The following SERINC5 variants were observed in gnomAD, a reference collection of about 807,000 sequenced individuals.
The protein encoded by SERINC5 is serine incorporator 5.
SERINC5 carries 41 observed loss-of-function variants against 63.1 expected under a neutral mutation model. The ratio of observed to expected loss-of-function variants is 0.65; its 90% CI spans 0.51 to 0.84. The LOEUF is 0.84. Among genes scored for constraint, SERINC5 ranks in the 40% least tolerant of loss-of-function variants. The pLI is 0.00. For synonymous variants in SERINC5, 222 were observed against 215.2 expected (o/e 1.03, Z -0.28); for missense variants, 523 against 573.0 (o/e 0.91, Z 0.89).
At chr5:80,158,997 TA>T in intron 7 of SERINC5, 35 bp from the exon 8 acceptor site, 1 of 1,611,208 alleles carries the variant, frequency 6.2e-7, no homozygotes, top group Non-Finnish European at 8.5e-7. Flanking sequence ...CACAGTCAAG[TA>T]CAAAGGCCAG....
chr5:80,131,124 T>C (rs1313350069), intron 11 of SERINC5, among the ~76,000 whole-genome samples: 2 of 152,170 alleles, frequency 1.3e-5, no homozygotes, highest in African/African-American at 4.8e-5. Flanking sequence ...CCAAATCTCA[T>C]CTTGAACTGT....
intron 2 of SERINC5, among the ~76,000 whole-genome samples, chr5:80,193,878 G>C (rs553130428): frequency 6.6e-6 from 1 of 152,146 alleles, no homozygotes; most frequent in African/African-American, 2.4e-5. Context: ...AGATAAAACC[G>C]TTTGGAAACA....
At position 80,114,591 on chromosome 5, in the gene SERINC5, G is replaced by A. The variant is rs962285290; in HGVS notation, c.1239-966C>T. On this transcript the variant is annotated intron_variant, in intron 11 of 12. Transcript: ENST00000509193. ...ATCGCTTGACATCTGGGAGGTGGAG[G>A]TTGCAGTGAGCCAAGATCATGCCAC... 7 of 163,500 alleles carry A rather than the reference G, an allele frequency of 4.3e-5. No homozygotes were observed. The South Asian group carries it at 6.6e-4, about 15-fold the overall frequency. 10.1% of individuals were successfully genotyped at this position (163,500 alleles called of 1,614,324 possible). A position where few individuals can be genotyped will look rare whatever the true frequency, so the allele number is the denominator to read the frequency against.
At position 80,229,051 on chromosome 5, in the gene SERINC5, G is replaced by GGGGGGGGGT. The variant is rs1580195931; in HGVS notation, c.28-25999_28-25998insACCCCCCCC. Among the ~76,000 whole-genome samples, 6 of 13,278 alleles carry GGGGGGGGGT rather than the reference G, an allele frequency of 4.5e-4. 1 individual carries two copies. In the East Asian group the frequency reaches 0.013, roughly 28 times the overall value. 8.7% of individuals were successfully genotyped at this position (13,278 alleles called of 152,430 possible). A position where few individuals can be genotyped will look rare whatever the true frequency, so the allele number is the denominator to read the frequency against. The stretch of plus-strand genomic sequence containing the variant: ...TTTTTTTTTTTTTTTTTTTTTTTTT[G>GGGGGGGGGT]GGGATGGAGTTGCCTAGGCTGGAGT... On this transcript the variant is annotated intron_variant, in intron 1 of 11. Transcript: ENST00000507668.
chr5:80,255,874 C>G, intron 1 of SERINC5, 22 bp downstream of exon 1: 1 of 1,589,064 alleles, frequency 6.3e-7, no homozygotes, highest in South Asian at 1.1e-5. Context: ...ACAACCCCCG[C>G]GCTGCGCCCG....
chr5:80,141,235 G>C lies in SERINC5; in HGVS notation c.*2428C>G, dbSNP rs571719589. ...CAGAGCAACTGTAACTCTTCCTCTT[G>C]CATCAGACCAACCGGCAGAAGGGAA... is the stretch of plus-strand genomic sequence containing the variant. On this transcript the variant is annotated 3_prime_UTR_variant, in exon 12 of 12. Transcript: ENST00000507668. 1 of 985,412 alleles carries C rather than the reference G, an allele frequency of 1.0e-6. No individual in the cohort carries two copies. The highest frequency in any genetic ancestry group is 1.2e-6 in the Non-Finnish European group (1 of 829,942). The allele number at this position is 985,412 out of a possible 1,614,324, so 61.0% of individuals were successfully genotyped here.
chr5:80,177,428 G>A, intron 3 of SERINC5, 31 bp from the exon 4 acceptor site: 1 of 1,544,920 alleles, frequency 6.5e-7, no homozygotes, highest in Non-Finnish European at 8.9e-7. Context: ...AAGAGGAAAT[G>A]TATTTAAATG....
intron 11 of SERINC5, among the ~76,000 whole-genome samples, chr5:80,121,270 T>C (rs1446677565): frequency 6.6e-6 from 1 of 152,182 alleles, no homozygotes; most frequent in East Asian, 1.9e-4. Context: ...ACAAGCAAGG[T>C]GCTGGCATCT....
At chr5:80,186,417 C>T (rs1454340035) in intron 2 of SERINC5, among the ~76,000 whole-genome samples, 1 of 152,104 alleles carries the variant, frequency 6.6e-6, no homozygotes, top group Admixed American at 6.5e-5. Context: ...GGATTACAGG[C>T]GTGAGCCACC....
chr5:80,177,139 G>GGA (rs1748086380), intron 4 of SERINC5, among the ~76,000 whole-genome samples, 176 bp downstream of exon 4: 1 of 152,154 alleles, frequency 6.6e-6, no homozygotes, highest in Non-Finnish European at 1.5e-5. Context: ...TGAGAAGAGG[G>GGA]GAGGTAGATA....
chr5:80,202,009 G>A (rs1427070453), intron 2 of SERINC5, among the ~76,000 whole-genome samples: 3 of 152,138 alleles, frequency 2.0e-5, no homozygotes, highest in South Asian at 2.1e-4. Context: ...AGGCCAAGGC[G>A]GGTAGATCAC....
At chr5:80,185,920 T>C (rs894480176) in intron 2 of SERINC5, among the ~76,000 whole-genome samples, 1 of 152,000 alleles carries the variant, frequency 6.6e-6, no homozygotes, top group African/African-American at 2.4e-5. Context: ...TCACAGGGGA[T>C]GCGATAGCTT....
At chr5:80,235,189 G>T (rs1040602468) in intron 1 of SERINC5, among the ~76,000 whole-genome samples, 2 of 152,136 alleles carry the variant, frequency 1.3e-5, no homozygotes, top group African/African-American at 4.8e-5. Flanking sequence ...TTGTCCTTTT[G>T]TGACTTTTAT....
intron 1 of SERINC5, among the ~76,000 whole-genome samples, chr5:80,245,965 TAAAAAAAA>T (rs57108110): frequency 2.6e-5 from 3 of 115,986 alleles, no homozygotes; most frequent in Non-Finnish European, 5.2e-5. Context: ...GTCAGCTCTT[TAAAAAAAA>T]AAAAAAAAAA....
intron 1 of SERINC5, among the ~76,000 whole-genome samples, chr5:80,251,122 T>A (rs1237737364): frequency 6.6e-6 from 1 of 152,086 alleles, no homozygotes. Flanking sequence ...TACAAAAATT[T>A]TTAAAAACTG....
At chr5:80,156,100 T>C (rs564224177) in intron 8 of SERINC5, among the ~76,000 whole-genome samples, 2 of 152,188 alleles carry the variant, frequency 1.3e-5, no homozygotes, top group South Asian at 2.1e-4. Context: ...TTCTACAACT[T>C]TACAAGAGTG....
intron 1 of SERINC5, among the ~76,000 whole-genome samples, chr5:80,222,588 T>TGTGTGTGTGTGTG (rs1750963263): frequency 1.4e-5 from 1 of 70,866 alleles, no homozygotes; most frequent in African/African-American, 7.2e-5. Flanking sequence ...GTGTGTGTGT[T>TGTGTGTGTGTGTG]TGAGACGGAG....
At chr5:80,249,172 G>A (rs554844535) in intron 1 of SERINC5, among the ~76,000 whole-genome samples, 7 of 152,194 alleles carry the variant, frequency 4.6e-5, no homozygotes, top group Admixed American at 2.0e-4. Context: ...AAAATTAGCC[G>A]GGCGTGGTGA....
At chr5:80,178,369 C>T (rs1748182923) in intron 2 of SERINC5, among the ~76,000 whole-genome samples, 1 of 130,210 alleles carries the variant, frequency 7.7e-6, no homozygotes, top group Non-Finnish European at 1.6e-5. Flanking sequence ...CACCCCACCC[C>T]CGACCCCAAG....
Sources: gnomAD v4.1 joint callset for allele counts (sites outside exome capture counted in the v4.1 genomes callset) on GRCh38, gnomAD v4.1.1 for gene constraint, MANE v1.5 for transcripts, NCBI Gene and HGNC (gene_info 2026-07-23, HGNC 2026-07-21) for gene names.